TIMM21: variants seen among roughly 807,000 people sequenced by gnomAD.
TIMM21 encodes the protein mitochondrial import inner membrane translocase subunit Tim21.
Under a neutral mutation model 27.7 loss-of-function variants are expected in TIMM21, and 30 were observed. That is an observed-to-expected ratio of 1.08 (90% CI 0.81 to 1.47). TIMM21 has a LOEUF of 1.47. Among genes scored for constraint, TIMM21 ranks in the 40% most tolerant of loss-of-function variants. TIMM21 has a pLI of 0.00. For synonymous variants in TIMM21, 121 were observed against 114.4 expected (o/e 1.06, Z -0.37); for missense variants, 292 against 302.9 (o/e 0.96, Z 0.27).
chr18:74,149,829 G>A (rs1979750944), intron 1 of TIMM21, among the ~76,000 whole-genome samples: 1 of 152,218 alleles, frequency 6.6e-6, no homozygotes, highest in Non-Finnish European at 1.5e-5. Flanking sequence ...CAAACAGCAT[G>A]TGCATCAGGT....
chr18:74,153,418 T>A (rs1377589072), intron 1 of TIMM21, among the ~76,000 whole-genome samples: 2 of 152,308 alleles, frequency 1.3e-5, no homozygotes, highest in African/African-American at 4.8e-5. Flanking sequence ...CCGGTTTGGG[T>A]AACAAGGACA....
chr18:74,151,765 C>T (rs150408700), intron 1 of TIMM21, among the ~76,000 whole-genome samples: 200 of 152,278 alleles, frequency 1.3e-3, no homozygotes, highest in Non-Finnish European at 2.4e-3. Context: ...TGTGGACCAT[C>T]ACTGTCTCGA....
intron 3 of TIMM21, chr18:74,156,420 CGAT>C: frequency 2.5e-6 from 1 of 396,794 alleles, no homozygotes; most frequent in East Asian, 3.6e-5. Context: ...CAGAAGCTAA[CGAT>C]CTCTGGCATC....
chr18:74,151,935 G>GC (rs1323382065), intron 1 of TIMM21, among the ~76,000 whole-genome samples: 11 of 98,096 alleles, frequency 1.1e-4, no homozygotes, highest in Non-Finnish European at 1.8e-4. Context: ...TGGTGTCTAT[G>GC]TTCCCCCCCC....
intron 1 of TIMM21, among the ~76,000 whole-genome samples, chr18:74,149,946 A>G (rs1979754373): frequency 6.6e-6 from 1 of 152,224 alleles, no homozygotes. Flanking sequence ...CTTGTGGCTG[A>G]GTGAATTGAT....
intron 1 of TIMM21, 70 bp from the exon 2 acceptor site, chr18:74,155,075 G>A (rs907249370): frequency 8.7e-6 from 13 of 1,486,394 alleles, no homozygotes; most frequent in Non-Finnish European, 1.2e-5. Flanking sequence ...CGCAAGAAGT[G>A]CAAAAGCAGC....
chr18:74,155,441 G>T lies in TIMM21; in HGVS notation c.462+38G>T, dbSNP rs976532811. The T allele has an allele frequency of 2.0e-6, 3 of 1,537,596 alleles. No individual in the cohort carries two copies. The African/African-American group carries it at 4.2e-5, about 21-fold the overall frequency. ...GATTGAGTTACATGAACTCTGATGA[G>T]GGGGAGAAAATGTCTGGGAGGAGGA... On this transcript the variant is annotated intron_variant, in intron 3 of 5. Transcript: ENST00000169551.
intron 1 of TIMM21, among the ~76,000 whole-genome samples, chr18:74,153,587 G>A (rs1979868646): frequency 6.6e-6 from 1 of 152,220 alleles, no homozygotes; most frequent in Admixed American, 6.5e-5. Context: ...CCTTGGAAGG[G>A]AAATTGGATT....
At chr18:74,151,811 G>A (rs978048230) in intron 1 of TIMM21, among the ~76,000 whole-genome samples, 1 of 152,066 alleles carries the variant, frequency 6.6e-6, no homozygotes, top group Non-Finnish European at 1.5e-5. Flanking sequence ...CTGCATATCA[G>A]TTCCCAGGGT....
At chr18:74,151,945 C>T (rs149643261) in intron 1 of TIMM21, among the ~76,000 whole-genome samples, 19 of 145,342 alleles carry the variant, frequency 1.3e-4, no homozygotes, top group Middle Eastern at 3.5e-3. Context: ...GTTCCCCCCC[C>T]CCCCGGGGGG....
intron 1 of TIMM21, 23 bp from the exon 2 acceptor site, chr18:74,155,122 C>G (rs1171618678): frequency 1.2e-5 from 20 of 1,612,858 alleles, no homozygotes; most frequent in Non-Finnish European, 1.6e-5. Context: ...CACCCGTAAC[C>G]CATTGGTGTT....
In TIMM21 at chr18:74,152,857, T is replaced by C. The variant is rs11660913; in HGVS notation, c.302-2288T>C. The stretch of plus-strand genomic sequence containing the variant: ...CCGAAGTGCATTTGCAGTTGGGGCC[T>C]CAGCTGCTGCTCTGGGGACTTCTGG... On this transcript the variant is annotated intron_variant, in intron 1 of 5. Coordinates refer to ENST00000169551, the MANE Select transcript of TIMM21 (RefSeq NM_014177.3). This position sits in a 1 kb window ranked among gnomAD's most constrained non-coding sequence, Gnocchi z 4.1. Among the ~76,000 whole-genome samples the C allele has an allele frequency of 0.2, 31,046 of 152,232 alleles. 4,145 individuals carry two copies. Among genetic ancestry groups the C allele is most frequent in the Non-Finnish European group, 0.3 (20,325 of 67,992 alleles).
chr18:74,158,004 T>G lies in TIMM21; in HGVS notation c.463-10T>G. The G allele has an allele frequency of 6.2e-7, 1 of 1,614,010 alleles. No homozygotes were observed. The highest frequency in any genetic ancestry group is 8.5e-7 in the Non-Finnish European group (1 of 1,179,882). On this transcript the variant is annotated splice_polypyrimidine_tract_variant and intron_variant, in intron 3 of 5. Coordinates refer to ENST00000169551, the MANE Select transcript of TIMM21 (RefSeq NM_014177.3). Reference sequence around the variant, plus strand: ...ATAACACAAAATAAAGCACTGTCCTTGTTCTGCAGGTGATCGGTGTCTTTG... The same window carrying G: ...ATAACACAAAATAAAGCACTGTCCTGGTTCTGCAGGTGATCGGTGTCTTTG...
chr18:74,158,178 G>T lies in TIMM21; in HGVS notation c.544G>T (p.Glu182Ter). 3.1e-6 allele frequency: 5 copies of T among 1,614,118 alleles called. No individual in the cohort carries two copies. Among genetic ancestry groups the T allele is most frequent in the Non-Finnish European group, 4.2e-6 (5 of 1,180,018 alleles). ...RGRRQHVRFT[E>*]YVKDGLKHTC... ...CTTTCGTTTTCTCGACAGGTTCACT[G>T]AATATGTAAAAGATGGGCTGAAACA... The change falls in exon 5 of 6, where the codon GAA (glutamate) becomes TAA (stop). Residue 182 changes from glutamate (E) to a stop codon, truncating the protein, a stop_gained. Transcript: ENST00000169551. LOFTEE classifies it high-confidence loss of function.
rs1172119977 is a variant in TIMM21 at position 74,159,455 on chromosome 18, TGA to T, written c.*976_*977del. 6.6e-6 allele frequency: 1 copy of T among 152,126 alleles called. No individual in the cohort carries two copies. The highest frequency in any genetic ancestry group is 2.4e-5 in the African/African-American group (1 of 41,422). 9.4% of individuals were successfully genotyped at this position (152,126 alleles called of 1,614,324 possible). A position where few individuals can be genotyped will look rare whatever the true frequency, so the allele number is the denominator to read the frequency against. ...TGGCTTCAGTGTGAGGTATCCCCTCTGATGTGTTTGTTCCTTCTCCCCGAGAA... is the reference window on the plus strand; with the variant it reads ...TGGCTTCAGTGTGAGGTATCCCCTCTTGTGTTTGTTCCTTCTCCCCGAGAA... On this transcript the variant is annotated 3_prime_UTR_variant, in exon 6 of 6. Transcript: ENST00000169551.
At chr18:74,155,098 C>G in intron 1 of TIMM21, 47 bp from the exon 2 acceptor site, 1 of 1,596,298 alleles carries the variant, frequency 6.3e-7, no homozygotes, top group South Asian at 1.1e-5. Flanking sequence ...ACAAGCTTGC[C>G]TGCTCCCAGC....
In TIMM21 at chr18:74,148,922, G is replaced by A. The variant is rs1351217513; in HGVS notation, c.114G>A (p.Glu38=). The part of the protein sequence containing the change: ...IVLNKACLKT[E]PSLRCGLQYQ... Reference sequence around the variant, plus strand: ...TTAACAAAGCGTGCTTGAAGACTGAGCCCAGTTTGAGATGTGGGCTTCAAT... The same window carrying A: ...TTAACAAAGCGTGCTTGAAGACTGAACCCAGTTTGAGATGTGGGCTTCAAT... Residue 38 remains glutamate (E), a synonymous_variant, in exon 1 of 6, where the codon GAG becomes GAA. Coordinates refer to ENST00000169551, the MANE Select transcript of TIMM21 (RefSeq NM_014177.3). The A allele has an allele frequency of 2.5e-6, 4 of 1,614,170 alleles. No homozygotes were observed. The African/African-American group carries it at 4.0e-5, about 16-fold the overall frequency.
intron 3 of TIMM21, 83 bp downstream of exon 3, chr18:74,155,486 C>A: frequency 9.2e-7 from 1 of 1,085,162 alleles, no homozygotes; most frequent in Non-Finnish European, 1.4e-6. Flanking sequence ...AATTCAAGAA[C>A]CAGTTCTCAC....
chr18:74,154,957 C>T (rs527334531), intron 1 of TIMM21, 188 bp from the exon 2 acceptor site: 2 of 609,908 alleles, frequency 3.3e-6, no homozygotes, highest in Non-Finnish European at 5.8e-6. Context: ...GATTCCCAAG[C>T]CCTGCTCTGA....
Sources: gnomAD v4.1 joint callset for allele counts (sites outside exome capture counted in the v4.1 genomes callset) on GRCh38, gnomAD v4.1.1 for gene constraint, Gnocchi (gnomAD v3.1) non-coding constraint, MANE v1.5 for transcripts, NCBI Gene and HGNC (gene_info 2026-07-23, HGNC 2026-07-21) for gene names.